VPS13D: variants seen among roughly 807,000 people sequenced by gnomAD.
VPS13D encodes the protein vacuolar protein sorting 13 homolog D, also known as intermembrane lipid transfer protein VPS13D.
Under a neutral mutation model 461.9 loss-of-function variants are expected in VPS13D, and 187 were observed. The ratio of observed to expected loss-of-function variants is 0.40; its 90% CI spans 0.36 to 0.46. VPS13D has a LOEUF of 0.46. Ranked by LOEUF, VPS13D falls within the 20% of genes least tolerant of loss-of-function variation. VPS13D has a pLI of 0.60. For synonymous variants in VPS13D, 1,951 were observed against 1,986.3 expected, an observed-to-expected ratio of 0.98 and a Z score of 0.47; for missense variants, 4,711 against 5,364.9, an observed-to-expected ratio of 0.88 and a Z score of 3.81.
At chr1:12,342,819 C>T (rs1569956025) in intron 41 of VPS13D, 80 bp from the exon 42 acceptor site, 1 of 1,475,644 alleles carries the variant, frequency 6.8e-7, no homozygotes. Context: ...TGAGAAGGTT[C>T]TGCTCTTCTG....
At chr1:12,491,970 G>A (rs963683832) in intron 67 of VPS13D, among the ~76,000 whole-genome samples, 2 of 152,226 alleles carry the variant, frequency 1.3e-5, no homozygotes, top group African/African-American at 2.4e-5. Context: ...TGCTGCATGT[G>A]CGCTGAACAG....
At chr1:12,379,745 G>A (rs1644247456) in intron 57 of VPS13D, 149 bp downstream of exon 57, 2 of 523,710 alleles carry the variant, frequency 3.8e-6, no homozygotes, top group Non-Finnish European at 6.6e-6. Flanking sequence ...TTAAAAGGAA[G>A]TCAGAGTTTT....
chr1:12,313,719 T>A (rs1276097456), intron 29 of VPS13D, among the ~76,000 whole-genome samples: 1 of 151,920 alleles, frequency 6.6e-6, no homozygotes, highest in Admixed American at 6.6e-5. Flanking sequence ...CCCTGGAGAG[T>A]GAAACATCCA....
intron 13 of VPS13D, among the ~76,000 whole-genome samples, chr1:12,263,012 A>G (rs536465738): frequency 4.6e-5 from 7 of 152,002 alleles, no homozygotes; most frequent in Non-Finnish European, 7.4e-5. Flanking sequence ...CTGATTTATG[A>G]TATTTTCAAC....
At position 12,244,157 on chromosome 1, in the gene VPS13D, C is replaced by T. The variant is rs900857053; in HGVS notation, c.176-89C>T. ...AAAAAAGTAGTAACAGCAATCCATG[C>T]TCCTTAAACAAAATTGTAAAAATAC... On this transcript the variant is annotated intron_variant, in intron 3 of 69. Transcript: ENST00000620676. 47 of 1,361,768 alleles carry T rather than the reference C, an allele frequency of 3.5e-5. No individual in the cohort carries two copies. The Admixed American group carries it at 4.5e-4, about 13-fold the overall frequency. The allele number at this position is 1,361,768 out of a possible 1,614,324, so 84.4% of individuals were successfully genotyped here.
At position 12,279,896 on chromosome 1, in the gene VPS13D, T is replaced by G. The variant is rs1641726120; in HGVS notation, c.4602+246T>G. Among the ~76,000 whole-genome samples, 1 of 152,164 alleles carries G rather than the reference T, an allele frequency of 6.6e-6. No individual in the cohort carries two copies. On this transcript the variant is annotated intron_variant, in intron 20 of 69. Coordinates refer to ENST00000620676, the MANE Select transcript of VPS13D (RefSeq NM_015378.4). This position sits in a 1 kb window ranked among gnomAD's most constrained non-coding sequence, Gnocchi z 4.3. ...TATCTAGAGGAAGACGGCAGATTCT[T>G]AATTCCATTGACATTCAGAAATGGG...
rs112959158 is a variant in VPS13D, at chr1:12,371,484, G to T, written c.10808+1782G>T. 1.9e-4 allele frequency among the ~76,000 whole-genome samples: 29 copies of T among 150,654 alleles called. No homozygotes were observed. In the South Asian group the frequency reaches 4.8e-3, roughly 25 times the overall value. On this transcript the variant is annotated intron_variant, in intron 54 of 69. Coordinates refer to ENST00000620676, the MANE Select transcript of VPS13D (RefSeq NM_015378.4). ...TGGCTCACTGTAACCTCCACCTCCC[G>T]GGTTCAAGCGATTCTCCTGCCTCAG...
chr1:12,362,966 A>T, intron 51 of VPS13D, 106 bp from the exon 52 acceptor site: 1 of 1,578,936 alleles, frequency 6.3e-7, no homozygotes, highest in South Asian at 1.2e-5. Flanking sequence ...TGCCTTTGGT[A>T]CCCAGATAGC....
intron 65 of VPS13D, among the ~76,000 whole-genome samples, chr1:12,428,184 C>A (rs1644946017): frequency 6.6e-6 from 1 of 152,166 alleles, no homozygotes; most frequent in South Asian, 2.1e-4. Flanking sequence ...GAGAGTCTGG[C>A]TTTTCCTTGG....
chr1:12,501,644 A>G (rs1011937879), intron 68 of VPS13D, among the ~76,000 whole-genome samples: 3 of 152,214 alleles, frequency 2.0e-5, no homozygotes, highest in Admixed American at 1.3e-4. Context: ...CATTTATTGA[A>G]TCCTACTATG....
chr1:12,241,630 G>A (rs1247696584), intron 2 of VPS13D, among the ~76,000 whole-genome samples: 1 of 152,094 alleles, frequency 6.6e-6, no homozygotes, highest in African/African-American at 2.4e-5. Context: ...GTTCACTTTC[G>A]GGTTTAAGTC....
chr1:12,469,205 C>T (rs1220591635), intron 67 of VPS13D, among the ~76,000 whole-genome samples: 1 of 152,140 alleles, frequency 6.6e-6, no homozygotes, highest in African/African-American at 2.4e-5. Flanking sequence ...CAGAGGGTCT[C>T]AAAATACGGT....
At position 12,275,817 on chromosome 1, in the gene VPS13D, A is replaced by G; in HGVS notation, c.2237-8A>G. On this transcript the variant is annotated splice_region_variant and splice_polypyrimidine_tract_variant and intron_variant, in intron 18 of 69. Transcript: ENST00000620676. ...CATATATTTGAATCTTCTTTTTTTT[A>G]TCTTCAGATAACTCCAGGAGGAAAA... The G allele has an allele frequency of 1.3e-6, 2 of 1,550,742 alleles. No individual in the cohort carries two copies. The highest frequency in any genetic ancestry group is 1.7e-6 in the Non-Finnish European group (2 of 1,151,782).
At chr1:12,425,133 AT>A (rs896439322) in intron 65 of VPS13D, among the ~76,000 whole-genome samples, 3 of 150,656 alleles carry the variant, frequency 2.0e-5, no homozygotes, top group South Asian at 2.1e-4. Flanking sequence ...GTTCTTTCTA[AT>A]TTTTTTTTTA....
At position 12,386,219 on chromosome 1, in the gene VPS13D, C is replaced by T; in HGVS notation, c.11519C>T (p.Ser3840Phe). 6.2e-7 allele frequency: 1 copy of T among 1,613,174 alleles called. No individual in the cohort carries two copies. The highest frequency in any genetic ancestry group is 8.5e-7 in the Non-Finnish European group (1 of 1,179,638). The change falls in exon 60 of 70, where the codon TCC (serine) becomes TTC (phenylalanine). Residue 3840 changes from serine (S) to phenylalanine (F), a missense_variant. Transcript: ENST00000620676. ...AGGTTAGAAGGTGGAATTGGGTTGTCCTTAATTAATAAAGTCCCAGAAGAA... is the reference window on the plus strand; with the variant it reads ...AGGTTAGAAGGTGGAATTGGGTTGTTCTTAATTAATAAAGTCCCAGAAGAA... ...LVRLEGGIGLSLINKVPEELV... is the reference protein window; with the variant it reads ...LVRLEGGIGLFLINKVPEELV...
chr1:12,426,307 G>A (rs1025156278), intron 65 of VPS13D, among the ~76,000 whole-genome samples: 1 of 152,220 alleles, frequency 6.6e-6, no homozygotes, highest in African/African-American at 2.4e-5. Context: ...GGTATGAGCT[G>A]ACAGTGAGCT....
Position 12,460,201 on chromosome 1 carries a change from G to C in VPS13D, c.12467G>C (p.Gly4156Ala). The change falls in exon 67 of 70, where the codon GGT becomes GCT. Residue 4156 changes from glycine to alanine, a missense_variant and splice_region_variant. Transcript: ENST00000620676. ...CAACAGCCCTTGTCTTTTTCACTAG[G>C]TATCATTGGTGGACTGACCAGTGTT... Reference protein sequence around the residue: ...LVAGIHGLAHGIIGGLTSVIT... With the variant: ...LVAGIHGLAHAIIGGLTSVIT... 6.4e-7 allele frequency: 1 copy of C among 1,568,342 alleles called. No individual in the cohort carries two copies. Among genetic ancestry groups the C allele is most frequent in the Non-Finnish European group, 8.6e-7 (1 of 1,156,232 alleles).
At position 12,251,387 on chromosome 1, in the gene VPS13D, C is replaced by T. The variant is rs118062645; in HGVS notation, c.564+2048C>T. On this transcript the variant is annotated intron_variant, in intron 6 of 69. Coordinates refer to ENST00000620676, the MANE Select transcript of VPS13D (RefSeq NM_015378.4). The stretch of plus-strand genomic sequence containing the variant: ...CTCTTCCTGTCCATCCTCATATGAC[C>T]GTCACCTTGCAGGATGCTGTCAGGT... 1.1e-3 allele frequency among the ~76,000 whole-genome samples: 160 copies of T among 152,330 alleles called. 1 individual carries two copies. The East Asian group carries it at 0.026, about 25-fold the overall frequency.
chr1:12,329,796 C>A, intron 36 of VPS13D, 33 bp from the exon 37 acceptor site: 1 of 1,600,138 alleles, frequency 6.2e-7, no homozygotes. Context: ...TGCTCCTGCC[C>A]TGCCGCTGCA....
Sources: gnomAD v4.1 joint callset for allele counts (sites outside exome capture counted in the v4.1 genomes callset) on GRCh38, gnomAD v4.1.1 for gene constraint, Gnocchi (gnomAD v3.1) non-coding constraint, MANE v1.5 for transcripts, NCBI Gene and HGNC (gene_info 2026-07-23, HGNC 2026-07-21) for gene names.